DNAH6: variants seen among roughly 807,000 people sequenced by gnomAD.
The protein encoded by DNAH6 is axonemal beta dynein heavy chain 6.
In DNAH6, 340 loss-of-function variants were observed where a neutral mutation model predicts 491.4. That is an observed-to-expected ratio of 0.69 (90% confidence interval 0.63 to 0.76). DNAH6 has a LOEUF of 0.76. DNAH6 is among the 30% of genes least tolerant of loss of function. The probability of loss-of-function intolerance (pLI) is 0.00; values close to 1 mark genes in which losing one functional copy is unlikely to be tolerated. For missense variants in DNAH6, 4,443 were observed against 4,972.2 expected, an observed-to-expected ratio of 0.89 and a Z score of 3.20; for synonymous variants, 1,603 against 1,686.1, an observed-to-expected ratio of 0.95 and a Z score of 1.21.
At position 84,594,070 on chromosome 2, in the gene DNAH6, A is replaced by C. The variant is rs1684350367; in HGVS notation, c.2709A>C (p.Gln903His). 6.5e-7 allele frequency: 1 copy of C among 1,545,082 alleles called. No homozygotes were observed. The highest frequency in any genetic ancestry group is 8.8e-7 in the Non-Finnish European group (1 of 1,141,864). ...WDSFSEWDKL[Q>H]QEWLKSKFDC... ...CTTTCTCTGAATGGGATAAACTCCA[A>C]CAAGAATGGTTAAAGGTAGGGGAAA... Residue 903 changes from glutamine (Q) to histidine (H), a missense_variant, in exon 17 of 77, where the codon CAA becomes CAC. Coordinates refer to ENST00000389394, the MANE Select transcript of DNAH6 (RefSeq NM_001370.2).
rs557600285 is a variant in DNAH6 at position 84,625,169 on chromosome 2, G to C, written c.4515+106G>C. ...GCAAGAATGGAGTGATGACAAGCAA[G>C]AGAAAAGAAATGGGGTAAATAATGG... On this transcript the variant is annotated intron_variant, in intron 29 of 76. Transcript: ENST00000389394. The C allele has an allele frequency of 1.2e-4, 126 of 1,093,064 alleles. No individual in the cohort carries two copies. In the African/African-American group the frequency reaches 1.7e-3, roughly 15 times the overall value. 67.7% of individuals were successfully genotyped at this position (1,093,064 alleles called of 1,614,324 possible). A position where few individuals can be genotyped will look rare whatever the true frequency, so the allele number is the denominator to read the frequency against.
At chr2:84,671,377 C>CA (rs1322979675) in intron 39 of DNAH6, among the ~76,000 whole-genome samples, 2 of 152,172 alleles carry the variant, frequency 1.3e-5, no homozygotes, top group Non-Finnish European at 2.9e-5. Context: ...AGTCCATCTG[C>CA]ACCCTCTTGC....
intron 11 of DNAH6, among the ~76,000 whole-genome samples, chr2:84,568,490 A>G (rs977308243): frequency 6.6e-6 from 1 of 152,186 alleles, no homozygotes; most frequent in African/African-American, 2.4e-5. Flanking sequence ...ATGTATTCTC[A>G]CTTATAAGTA....
intron 61 of DNAH6, among the ~76,000 whole-genome samples, chr2:84,732,516 C>T (rs557181845): frequency 6.6e-6 from 1 of 152,100 alleles, no homozygotes; most frequent in South Asian, 2.1e-4. Flanking sequence ...TAAGCTAAGA[C>T]GTCCGTCACA....
chr2:84,799,123 G>T (rs1678636078), intron 70 of DNAH6, among the ~76,000 whole-genome samples: 1 of 152,096 alleles, frequency 6.6e-6, no homozygotes, highest in East Asian at 1.9e-4. Flanking sequence ...AAGTAGCTGG[G>T]ATTACAGGTG....
rs1407263508 is a variant in DNAH6 at position 84,733,599 on chromosome 2, C to A, written c.10342+20C>A. ...GCTTAGGTAATGTGACAAAAAGAAC[C>A]TGCTGAGGAGGCTTATAAACAGGCT... is the stretch of plus-strand genomic sequence containing the variant. On this transcript the variant is annotated intron_variant, in intron 62 of 76. Transcript: ENST00000389394. 1 of 1,548,880 alleles carries A rather than the reference C, an allele frequency of 6.5e-7. No individual in the cohort carries two copies. Among genetic ancestry groups the A allele is most frequent in the African/African-American group, 1.4e-5 (1 of 73,084 alleles).
At chr2:84,615,562 ACT>A (rs142736578) in intron 22 of DNAH6, among the ~76,000 whole-genome samples, 6,170 of 151,676 alleles carry the variant, frequency 0.041, 402 homozygotes, top group African/African-American at 0.14. Flanking sequence ...TATTTTTCTA[ACT>A]CTGTGAAGAA....
chr2:84,643,463 T>A (rs1335856652), intron 33 of DNAH6, among the ~76,000 whole-genome samples: 1 of 152,108 alleles, frequency 6.6e-6, no homozygotes. Context: ...ATTTCTTCTG[T>A]TTTTTTCTCC....
chr2:84,634,156 T>G (rs1369390367), intron 29 of DNAH6, among the ~76,000 whole-genome samples: 2 of 152,192 alleles, frequency 1.3e-5, no homozygotes, highest in South Asian at 2.1e-4. Context: ...TTAGTAAAAT[T>G]TTTCAAGTTT....
intron 18 of DNAH6, among the ~76,000 whole-genome samples, chr2:84,598,536 G>A (rs1684901589): frequency 6.6e-6 from 1 of 152,056 alleles, no homozygotes; most frequent in South Asian, 2.1e-4. Flanking sequence ...AGGATTATTA[G>A]GTTGTATAGT....
intron 4 of DNAH6, among the ~76,000 whole-genome samples, chr2:84,535,525 AAC>A (rs964688470): frequency 2.6e-5 from 4 of 151,934 alleles, no homozygotes; most frequent in African/African-American, 4.8e-5. Context: ...CAAAATATGA[AAC>A]AAATTTCTGT....
intron 63 of DNAH6, among the ~76,000 whole-genome samples, chr2:84,751,637 A>G (rs1474718070): frequency 6.6e-6 from 1 of 152,220 alleles, no homozygotes; most frequent in East Asian, 1.9e-4. Context: ...AGGAATTTGA[A>G]CTAGAAAGAG....
At chr2:84,780,337 TTC>T (rs1172332944) in intron 64 of DNAH6, among the ~76,000 whole-genome samples, 1 of 152,214 alleles carries the variant, frequency 6.6e-6, no homozygotes, top group African/African-American at 2.4e-5. Context: ...ATTTTTTAAA[TTC>T]TTTTTTCTTT....
intron 59 of DNAH6, 146 bp from the exon 60 acceptor site, chr2:84,722,479 C>G (rs780409103): frequency 1.1e-4 from 68 of 610,456 alleles, no homozygotes; most frequent in Non-Finnish European, 1.8e-4. Context: ...CCCTGAGACT[C>G]AGTCGTTCCA....
chr2:84,548,885 A>C (rs1679059583), intron 8 of DNAH6, among the ~76,000 whole-genome samples: 1 of 152,194 alleles, frequency 6.6e-6, no homozygotes, highest in Non-Finnish European at 1.5e-5. Context: ...AGACTGTGGC[A>C]GGGAGAAATC....
At chr2:84,471,669 C>T in the DNAH6 span, among the ~76,000 whole-genome samples, 5 of 152,174 alleles carry the variant, frequency 3.3e-5, no homozygotes, top group Admixed American at 1.3e-4. Flanking sequence ...TCCAGTCTCC[C>T]GTTCCATGGT....
rs550661471 is a variant in DNAH6 at position 84,786,673 on chromosome 2, G to A, written c.11101-491G>A. Among the ~76,000 whole-genome samples, 18 of 152,208 alleles carry A rather than the reference G, an allele frequency of 1.2e-4. No individual in the cohort carries two copies. In the South Asian group the frequency reaches 1.2e-3, roughly 11 times the overall value. On this transcript the variant is annotated intron_variant, in intron 67 of 76. Coordinates refer to ENST00000389394, the MANE Select transcript of DNAH6 (RefSeq NM_001370.2). ...TTAAGAAATTAAGGTAGGATAGGGA[G>A]ATAACAAAGGAAGTTGGGGGAGGAT...
intron 30 of DNAH6, among the ~76,000 whole-genome samples, chr2:84,636,491 G>C (rs1688888203): frequency 6.6e-6 from 1 of 152,144 alleles, no homozygotes; most frequent in South Asian, 2.1e-4. Context: ...GCAAGCCTGG[G>C]AGTTTCTGGA....
intron 21 of DNAH6, among the ~76,000 whole-genome samples, chr2:84,608,584 G>A (rs1314158681): frequency 1.3e-5 from 2 of 152,148 alleles, no homozygotes; most frequent in Non-Finnish European, 2.9e-5. Context: ...CTTCTAAGCA[G>A]TAGGTCTCAA....
Sources: allele counts gnomAD v4.1 joint callset (sites outside exome capture counted in the v4.1 genomes callset), GRCh38; gene constraint gnomAD v4.1.1; transcripts MANE v1.5; gene names NCBI Gene and HGNC (gene_info 2026-07-23, HGNC 2026-07-21).